The following MED12L variants were observed in gnomAD, a reference collection of about 807,000 sequenced individuals.
MED12L encodes mediator complex subunit 12L, also known as mediator of RNA polymerase II transcription subunit 12-like protein.
MED12L carries 60 observed loss-of-function variants against 281.3 expected under a neutral mutation model. That is an observed-to-expected ratio of 0.21 (90% CI 0.17 to 0.26). MED12L has a LOEUF of 0.26. Among genes scored for constraint, MED12L ranks in the 10% least tolerant of loss-of-function variants. The pLI is 1.00. For synonymous variants in MED12L, 974 were observed against 987.2 expected (o/e 0.99, Z 0.25); for missense variants, 2,146 against 2,680.9 (o/e 0.80, Z 4.41).
At chr3:151,258,817 A>T (rs1364542772) in intron 16 of MED12L, among the ~76,000 whole-genome samples, 2 of 143,882 alleles carry the variant, frequency 1.4e-5, no homozygotes, top group African/African-American at 5.2e-5. Context: ...GTGCCACTGC[A>T]CTCCAGCCTG....
intron 43 of MED12L, among the ~76,000 whole-genome samples, chr3:151,429,361 G>A (rs1011618076): frequency 6.6e-6 from 1 of 152,214 alleles, no homozygotes; most frequent in Non-Finnish European, 1.5e-5. Flanking sequence ...AGCACACGGA[G>A]AGTGGGCACA....
In MED12L at chr3:151,273,402, A is replaced by ATAT. The variant is rs1741327327; in HGVS notation, c.2251-76656_2251-76655insATT. Among the ~76,000 whole-genome samples, 7 of 113,628 alleles carry ATAT rather than the reference A, an allele frequency of 6.2e-5. No homozygotes were observed. The South Asian group carries it at 2.1e-3, about 34-fold the overall frequency. The allele number at this position is 113,628 out of a possible 152,430, so 74.5% of individuals were successfully genotyped here. A position where few individuals can be genotyped will look rare whatever the true frequency, so the allele number is the denominator to read the frequency against. On this transcript the variant is annotated intron_variant, in intron 16 of 44. Transcript: ENST00000687756. ...ACCACCATGCCCGGCTAATTTTTGT[A>ATAT]TTTTTTTTTTTTTTTTTTTTAGTAG... is the stretch of plus-strand genomic sequence containing the variant.
intron 2 of MED12L, among the ~76,000 whole-genome samples, chr3:151,105,677 TCTCACTTGAC>T (rs1721926830): frequency 6.6e-6 from 1 of 152,176 alleles, no homozygotes. Flanking sequence ...CCTGGTCTTT[TCTCACTTGAC>T]CTTCTCTCTA....
intron 5 of MED12L, among the ~76,000 whole-genome samples, chr3:151,147,668 A>G (rs559678102): frequency 6.6e-6 from 1 of 152,356 alleles, no homozygotes; most frequent in African/African-American, 2.4e-5. Flanking sequence ...TGGTACATCC[A>G]TGTGGTAGCA....
intron 16 of MED12L, among the ~76,000 whole-genome samples, chr3:151,293,578 C>CAA (rs1165241376): frequency 1.4e-4 from 14 of 99,062 alleles, no homozygotes; most frequent in Admixed American, 6.9e-4. Flanking sequence ...GAAGCCCTTA[C>CAA]ACACACACAC....
chr3:151,361,363 G>T (rs1426602630), intron 21 of MED12L, among the ~76,000 whole-genome samples: 1 of 151,848 alleles, frequency 6.6e-6, no homozygotes, highest in African/African-American at 2.4e-5. Flanking sequence ...AGGAAACCTG[G>T]TTTCTATTAC....
intron 11 of MED12L, among the ~76,000 whole-genome samples, chr3:151,181,758 G>A (rs892225251): frequency 2.0e-5 from 3 of 151,588 alleles, no homozygotes; most frequent in Non-Finnish European, 4.4e-5. Flanking sequence ...GCTAATTTTT[G>A]TATTTTTAGT....
At chr3:151,126,923 A>G (rs769903524) in intron 4 of MED12L, among the ~76,000 whole-genome samples, 11 of 152,204 alleles carry the variant, frequency 7.2e-5, no homozygotes, top group Non-Finnish European at 2.9e-5. Context: ...GGTTTCATTC[A>G]GGAGTGGAGT....
chr3:151,156,375 A>G, intron 6 of MED12L, 45 bp downstream of exon 6: 1 of 1,519,034 alleles, frequency 6.6e-7, no homozygotes, highest in East Asian at 2.4e-5. Context: ...TGCTTTTAAG[A>G]AGACAGCAAA....
rs998365356 is a variant in MED12L, at chr3:151,362,600, A to C, written c.2957+1995A>C. On this transcript the variant is annotated intron_variant, in intron 21 of 44. Coordinates refer to ENST00000687756, the MANE Select transcript of MED12L (RefSeq NM_001393769.1). ...TACCCCCACTGTAGATTCTATATTT[A>C]TTTATGGCCTGGCTCCTCCTTAGAA... Among the ~76,000 whole-genome samples the C allele has an allele frequency of 1.3e-4, 20 of 152,102 alleles. No homozygotes were observed. In the South Asian group the frequency reaches 2.5e-3, roughly 19 times the overall value.
intron 16 of MED12L, among the ~76,000 whole-genome samples, chr3:151,240,476 A>G (rs1006917628): frequency 6.6e-6 from 1 of 152,208 alleles, no homozygotes. Context: ...GTTTCTCAGC[A>G]GCTGTTTGGC....
At position 151,435,933 on chromosome 3, in the gene MED12L, A is replaced by T. The variant is rs558598242; in HGVS notation, c.*3129A>T. The T allele has an allele frequency of 6.6e-6, 1 of 152,212 alleles. No individual in the cohort carries two copies. Among genetic ancestry groups the T allele is most frequent in the South Asian group, 2.1e-4 (1 of 4,826 alleles). The allele number at this position is 152,212 out of a possible 1,614,324, so 9.4% of individuals were successfully genotyped here. On this transcript the variant is annotated 3_prime_UTR_variant, in exon 45 of 45. Transcript: ENST00000687756. ...TTCCTGCTCAGAAAAATTTCCTTAT[A>T]AACAGCTCCAAACCAGGGGTGCCTG...
chr3:151,357,265 G>A lies in MED12L; in HGVS notation c.2714G>A (p.Ser905Asn), dbSNP rs769217021. Reference sequence around the variant, plus strand: ...GCTGAACTGCTCCTAAAATCCTCCAGCCTGGCAGGAAGTTATACAACAGGA... The same window carrying A: ...GCTGAACTGCTCCTAAAATCCTCCAACCTGGCAGGAAGTTATACAACAGGA... ...VEAELLLKSSSLAGSYTTGLC... is the reference protein window; with the variant it reads ...VEAELLLKSSNLAGSYTTGLC... Residue 905 changes from serine to asparagine, a missense_variant, in exon 20 of 45, where the codon AGC (serine) becomes AAC (asparagine). By Grantham distance (46) the Ser-to-Asn change is conservative (BLOSUM62 1). Coordinates refer to ENST00000687756, the MANE Select transcript of MED12L (RefSeq NM_001393769.1). 9.9e-6 allele frequency: 16 copies of A among 1,613,494 alleles called. No individual in the cohort carries two copies. Among genetic ancestry groups the A allele is most frequent in the Non-Finnish European group, 9.3e-6 (11 of 1,179,750 alleles).
chr3:151,234,423 A>G (rs1407697280), intron 16 of MED12L, among the ~76,000 whole-genome samples: 1 of 152,254 alleles, frequency 6.6e-6, no homozygotes, highest in Non-Finnish European at 1.5e-5. Flanking sequence ...GGTCATTGCC[A>G]GTTTACAGCC....
intron 32 of MED12L, 31 bp from the exon 33 acceptor site, chr3:151,382,625 C>T: frequency 6.5e-7 from 1 of 1,537,128 alleles, no homozygotes; most frequent in South Asian, 1.2e-5. Context: ...AAAAATTAAA[C>T]TTTAATGGGG....
chr3:151,399,639 A>G (rs1715408504), intron 39 of MED12L, among the ~76,000 whole-genome samples: 1 of 152,360 alleles, frequency 6.6e-6, no homozygotes, highest in Admixed American at 6.5e-5. Flanking sequence ...TGTTAGAACT[A>G]TCACAGAATA....
At chr3:151,413,995 G>A (rs530044888) in intron 42 of MED12L, among the ~76,000 whole-genome samples, 3 of 151,600 alleles carry the variant, frequency 2.0e-5, no homozygotes, top group South Asian at 2.1e-4. Flanking sequence ...GATTACAGGC[G>A]CCCACCACCA....
chr3:151,423,356 T>A (rs1485395681), intron 43 of MED12L, among the ~76,000 whole-genome samples: 1 of 152,256 alleles, frequency 6.6e-6, no homozygotes, highest in South Asian at 2.1e-4. Context: ...TTATAAAAAG[T>A]TAACAACTTG....
chr3:151,408,734 A>AT (rs775075437), intron 39 of MED12L, among the ~76,000 whole-genome samples: 19 of 152,212 alleles, frequency 1.2e-4, no homozygotes, highest in Non-Finnish European at 2.6e-4. Context: ...ATTCTCATTG[A>AT]TTTTTAGAGT....
Sources: gnomAD v4.1 joint callset for allele counts (sites outside exome capture counted in the v4.1 genomes callset) on GRCh38, gnomAD v4.1.1 for gene constraint, MANE v1.5 for transcripts, NCBI Gene and HGNC (gene_info 2026-07-23, HGNC 2026-07-21) for gene names.